The following SHBG variants were observed in gnomAD, a reference collection of about 807,000 sequenced individuals.
The protein encoded by SHBG is sex hormone-binding globulin.
Under a neutral mutation model 41.9 loss-of-function variants are expected in SHBG, and 37 were observed. That is an observed-to-expected ratio of 0.88 (90% CI 0.68 to 1.16). SHBG has a LOEUF of 1.16. SHBG is among the 50% of genes most tolerant of loss of function. SHBG has a pLI of 0.00. For synonymous variants in SHBG, 217 were observed against 205.8 expected (o/e 1.05, Z -0.47); for missense variants, 466 against 499.9 (o/e 0.93, Z 0.65).
chr17:7,627,611 C>T (rs141081070), upstream of SHBG: 79 of 1,613,184 alleles, frequency 4.9e-5, no homozygotes, highest in African/African-American at 9.2e-4. This position sits in a 1 kb window ranked among gnomAD's most constrained non-coding sequence, Gnocchi z 4.8. Flanking sequence ...CCCTCCTTGG[C>T]CTCTCGGATC....
intron 1 of SHBG, chr17:7,614,423 C>T: frequency 4.7e-6 from 7 of 1,486,266 alleles, no homozygotes; most frequent in Non-Finnish European, 6.3e-6. Flanking sequence ...GGCTAAGGAC[C>T]GGCGTCCCCA....
intron 1 of SHBG, among the ~76,000 whole-genome samples, chr17:7,615,507 A>G (rs1046127508): frequency 1.3e-5 from 2 of 152,178 alleles, no homozygotes; most frequent in Non-Finnish European, 2.9e-5. Flanking sequence ...ATTGTGATAC[A>G]ATGAAAGTTT....
rs1182086432 is a variant in SHBG, at chr17:7,631,703, G to C, written c.670G>C (p.Gly224Arg). 5.0e-6 allele frequency: 8 copies of C among 1,613,930 alleles called. No individual in the cohort carries two copies. The highest frequency in any genetic ancestry group is 5.1e-6 in the Non-Finnish European group (6 of 1,179,966). Residue 224 changes from glycine to arginine, a missense_variant, in exon 5 of 8, where the codon GGG (glycine) becomes CGG (arginine). Coordinates refer to ENST00000380450, the MANE Select transcript of SHBG (RefSeq NM_001040.5). ...AAGCTGTGATGTAGAATCAAATCCC[G>C]GGATATTTCTCCCTCCAGGGACTCA... The part of the protein sequence containing the change: ...LRSCDVESNP[G>R]IFLPPGTQAE...
chr17:7,614,458 G>A, intron 1 of SHBG: 1 of 1,540,190 alleles, frequency 6.5e-7, no homozygotes. Flanking sequence ...TCACCTTGTA[G>A]AAGGCCCCGT....
Position 7,630,297 on chromosome 17 carries a change from A to G in SHBG, c.111+14A>G. On this transcript the variant is annotated intron_variant, in intron 1 of 7. Coordinates refer to ENST00000380450, the MANE Select transcript of SHBG (RefSeq NM_001040.5). The surrounding 1 kb of genome is among the most constrained non-coding windows in gnomAD (Gnocchi z 4.6). Reference sequence around the variant, plus strand: ...CTCCCCACCCAGGTGCAGGAGCGGGACAGGGCACTCAGCTCATGCAGTCTT... The same window carrying G: ...CTCCCCACCCAGGTGCAGGAGCGGGGCAGGGCACTCAGCTCATGCAGTCTT... The G allele has an allele frequency of 2.5e-6, 4 of 1,605,406 alleles. No individual in the cohort carries two copies. The highest frequency in any genetic ancestry group is 3.4e-6 in the Non-Finnish European group (4 of 1,173,514).
At chr17:7,633,086 G>A in intron 7 of SHBG, 118 bp from the exon 8 acceptor site, 12 of 1,409,604 alleles carry the variant, frequency 8.5e-6, no homozygotes, top group Non-Finnish European at 1.2e-5. Context: ...AAGATATGGG[G>A]GCAGTGGAAG....
At chr17:7,615,569 GGC>G (rs1567756847) in intron 1 of SHBG, among the ~76,000 whole-genome samples, 14 of 152,096 alleles carry the variant, frequency 9.2e-5, no homozygotes, top group Non-Finnish European at 1.6e-4. Context: ...GGGAGGCCGA[GGC>G]AGGTGGATCA....
chr17:7,627,624 C>T, upstream of SHBG: 1 of 1,613,826 alleles, frequency 6.2e-7, no homozygotes. The surrounding 1 kb of genome is among the most constrained non-coding windows in gnomAD (Gnocchi z 4.8). Context: ...CTCGGATCCG[C>T]ACGGAAGCCA....
upstream of SHBG, among the ~76,000 whole-genome samples, chr17:7,629,155 T>C (rs919140214): frequency 1.3e-5 from 2 of 151,756 alleles, no homozygotes; most frequent in Admixed American, 1.3e-4. Context: ...GGCGGATCAT[T>C]TCAGGTCAGA....
upstream of SHBG, chr17:7,626,978 T>C: frequency 6.2e-7 from 1 of 1,614,028 alleles, no homozygotes; most frequent in Non-Finnish European, 8.5e-7. Context: ...ATCCTCCAGA[T>C]AAATGGTGCG....
intron 1 of SHBG, among the ~76,000 whole-genome samples, chr17:7,618,075 C>T (rs2072024776): frequency 6.6e-6 from 1 of 151,866 alleles, no homozygotes; most frequent in Non-Finnish European, 1.5e-5. Context: ...AAAAATTAGC[C>T]ACACGTGGTA....
rs780683290 is a variant in SHBG, at chr17:7,630,659, T to G, written c.204-21T>G. ...CAAAGGACACATGACATACACAATC[T>G]TTCCTTCTGTGTCCTTCCAGAACCT... On this transcript the variant is annotated intron_variant, in intron 2 of 7. Transcript: ENST00000380450. The surrounding 1 kb of genome is among the most constrained non-coding windows in gnomAD (Gnocchi z 4.6). The G allele has an allele frequency of 6.2e-7, 1 of 1,608,260 alleles. No individual in the cohort carries two copies. Among genetic ancestry groups the G allele is most frequent in the Non-Finnish European group, 8.5e-7 (1 of 1,175,332 alleles).
At chr17:7,626,011 G>C (rs912195405), upstream of SHBG, among the ~76,000 whole-genome samples, 9 of 150,236 alleles carry the variant, frequency 6.0e-5, no homozygotes, top group East Asian at 2.0e-4. Context: ...AGACCAGCCT[G>C]GCCAGTATGG....
chr17:7,622,768 G>A (rs1397926173), intron 1 of SHBG, among the ~76,000 whole-genome samples: 5 of 151,558 alleles, frequency 3.3e-5, no homozygotes, highest in African/African-American at 1.2e-4. Context: ...GGTGGCTCAC[G>A]CCTGTAATCC....
upstream of SHBG, among the ~76,000 whole-genome samples, chr17:7,624,961 T>TC (rs2072166912): frequency 6.8e-6 from 1 of 146,424 alleles, no homozygotes; most frequent in Admixed American, 6.8e-5. Context: ...TTTTTTTTTT[T>TC]TTTTGGAGAT....
chr17:7,626,886 A>T (rs900768432), upstream of SHBG: 79 of 1,602,496 alleles, frequency 4.9e-5, no homozygotes, highest in Non-Finnish European at 6.6e-5. Context: ...ACAGGGGATA[A>T]CAGTGGGGTC....
At chr17:7,626,858 A>G, upstream of SHBG, 1 of 1,606,036 alleles carries the variant, frequency 6.2e-7, no homozygotes, top group Non-Finnish European at 8.5e-7. Context: ...AGAAAATGAC[A>G]CCGGCTGGGC....
rs2150969500 is a variant in SHBG, at chr17:7,631,723, G to C, written c.690G>C (p.Gly230=). The part of the protein sequence containing the change: ...ESNPGIFLPP[G]TQAEFNLRDI... Reference sequence around the variant, plus strand: ...ATCCCGGGATATTTCTCCCTCCAGGGACTCAGGCAGAATTCAATCTCCGAG... The same window carrying C: ...ATCCCGGGATATTTCTCCCTCCAGGCACTCAGGCAGAATTCAATCTCCGAG... The change falls in exon 5 of 8, where the codon GGG becomes GGC. Residue 230 remains glycine, a synonymous_variant. Transcript: ENST00000380450. 2 of 1,614,058 alleles carry C rather than the reference G, an allele frequency of 1.2e-6. No individual in the cohort carries two copies. Among genetic ancestry groups the C allele is most frequent in the Non-Finnish European group, 1.7e-6 (2 of 1,180,022 alleles).
chr17:7,620,462 G>A (rs1228450142), intron 1 of SHBG, among the ~76,000 whole-genome samples: 2 of 151,934 alleles, frequency 1.3e-5, no homozygotes, highest in African/African-American at 2.4e-5. Flanking sequence ...GATTACAGCC[G>A]TTTGCCCCCA....
Sources: allele counts gnomAD v4.1 joint callset (sites outside exome capture counted in the v4.1 genomes callset), GRCh38; gene constraint gnomAD v4.1.1; non-coding constraint Gnocchi (gnomAD v3.1); transcripts MANE v1.5; gene names NCBI Gene and HGNC (gene_info 2026-07-23, HGNC 2026-07-21).